Variants in HRG observed in about 807,000 individuals in gnomAD.
The protein encoded by HRG is histidine rich glycoprotein, also known as histidine-rich glycoprotein.
A neutral mutation model predicts 29.5 loss-of-function variants in HRG; 26 were observed. That is an observed-to-expected ratio of 0.88 (90% CI 0.65 to 1.22). The LOEUF is 1.22. Among genes scored for constraint, HRG ranks in the 50% most tolerant of loss-of-function variants. The pLI, the probability that HRG is intolerant of heterozygous loss-of-function variation, is 0.00. For missense variants in HRG, 671 were observed against 654.5 expected (o/e 1.03, Z -0.28); for synonymous variants, 243 against 240.4 (o/e 1.01, Z -0.10).
intron 3 of HRG, 51 bp downstream of exon 3, chr3:186,670,079 A>G (rs1300646512): frequency 3.3e-6 from 3 of 918,698 alleles, no homozygotes; most frequent in Non-Finnish European, 3.7e-6. Context: ...TACAAATTCA[A>G]TCATACAGTG....
At position 186,672,852 on chromosome 3, in the gene HRG, C is replaced by T; in HGVS notation, c.624C>T (p.Phe208=). ...FSVRNCPRHH[F]PRHPNVFGFC... ...TGCGGAACTGCCCCAGACACCATTTCCCCAGACACCCCAATGTGAGTATAA... is the reference window on the plus strand; with the variant it reads ...TGCGGAACTGCCCCAGACACCATTTTCCCAGACACCCCAATGTGAGTATAA... The change falls in exon 5 of 7, where the codon TTC becomes TTT. Residue 208 remains phenylalanine (F), a synonymous_variant. Coordinates refer to ENST00000232003, the MANE Select transcript of HRG (RefSeq NM_000412.5). 1 of 1,605,442 alleles carries T rather than the reference C, an allele frequency of 6.2e-7. No homozygotes were observed. The highest frequency in any genetic ancestry group is 2.2e-5 in the East Asian group (1 of 44,832).
Position 186,675,095 on chromosome 3 carries a change from G to A in HRG, c.646G>A (p.Gly216Arg). The A allele has an allele frequency of 6.2e-7, 1 of 1,611,528 alleles. No individual in the cohort carries two copies. Among genetic ancestry groups the A allele is most frequent in the Non-Finnish European group, 8.5e-7 (1 of 1,177,652 alleles). Residue 216 changes from glycine to arginine, a missense_variant, in exon 6 of 7, where the codon GGA (glycine) becomes AGA (arginine). Gly to Arg is a moderately radical substitution (Grantham distance 125). Coordinates refer to ENST00000232003, the MANE Select transcript of HRG (RefSeq NM_000412.5). ...GCTCCTCATTCCTTTGTAGGTCTTT[G>A]GATTCTGCAGAGCAGATTTGTTCTA... ...HHFPRHPNVF[G>R]FCRADLFYDV... is the part of the protein sequence containing the mutation.
chr3:186,672,733 T>TTTTTCC, intron 4 of HRG, 54 bp from the exon 5 acceptor site: 1 of 1,201,960 alleles, frequency 8.3e-7, no homozygotes, highest in Non-Finnish European at 1.2e-6. Flanking sequence ...CTACTGCTTT[T>TTTTTCC]TTTTCCTTTT....
In HRG at chr3:186,666,106, T is replaced by G; in HGVS notation, c.75T>G (p.Ser25Arg). ...YSCAVSPTDC[S>R]AVEPEAEKAL... ...GTGCCGTGAGTCCCACTGACTGCAG[T>G]GCTGTTGAGCCGGAGGCTGAGAAAG... Residue 25 changes from serine to arginine, a missense_variant, in exon 1 of 7, where the codon AGT becomes AGG. Ser to Arg is a moderately radical substitution (Grantham distance 110, BLOSUM62 -1). Transcript: ENST00000232003. The G allele has an allele frequency of 6.2e-7, 1 of 1,614,212 alleles. No individual in the cohort carries two copies. The highest frequency in any genetic ancestry group is 2.2e-5 in the East Asian group (1 of 44,888).
chr3:186,666,277 A>G, intron 1 of HRG, 63 bp downstream of exon 1: 2 of 1,528,142 alleles, frequency 1.3e-6, no homozygotes, highest in South Asian at 2.2e-5. Context: ...ATGTGACTCT[A>G]CCCCCTAGGC....
chr3:186,666,695 A>C (rs1718620575), intron 1 of HRG, among the ~76,000 whole-genome samples: 1 of 152,002 alleles, frequency 6.6e-6, no homozygotes, highest in African/African-American at 2.4e-5. Context: ...CGGACGGATC[A>C]TGAGGTCAGG....
intron 3 of HRG, among the ~76,000 whole-genome samples, chr3:186,670,792 C>T (rs1718762091): frequency 6.6e-6 from 1 of 152,088 alleles, no homozygotes; most frequent in African/African-American, 2.4e-5. Flanking sequence ...GGTGATCTGC[C>T]CACCTTGACC....
chr3:186,669,087 A>T (rs978244941), intron 2 of HRG, 36 bp downstream of exon 2: 2 of 1,126,194 alleles, frequency 1.8e-6, no homozygotes, highest in Non-Finnish European at 1.4e-6. Context: ...TGCTCTTTTC[A>T]TTCTTATTTT....
At chr3:186,669,595 C>A in intron 2 of HRG, 1 of 383,114 alleles carries the variant, frequency 2.6e-6, no homozygotes, top group Non-Finnish European at 4.9e-6. Context: ...AGGTGGAGAA[C>A]ATGAAGATGA....
Position 186,672,872 on chromosome 3 carries a change from G to T in HRG, c.639+5G>T. On this transcript the variant is annotated splice_donor_5th_base_variant and intron_variant, in intron 5 of 6. Coordinates refer to ENST00000232003, the MANE Select transcript of HRG (RefSeq NM_000412.5). ...CATTTCCCCAGACACCCCAATGTGAGTATAAGAAATGTCTGTGATCGTTGA... is the reference window on the plus strand; with the variant it reads ...CATTTCCCCAGACACCCCAATGTGATTATAAGAAATGTCTGTGATCGTTGA... 1 of 1,582,428 alleles carries T rather than the reference G, an allele frequency of 6.3e-7. No homozygotes were observed. The highest frequency in any genetic ancestry group is 1.4e-5 in the African/African-American group (1 of 74,058).
intron 5 of HRG, 28 bp from the exon 6 acceptor site, chr3:186,675,061 A>G (rs773015594): frequency 6.8e-7 from 1 of 1,467,724 alleles, no homozygotes; most frequent in African/African-American, 1.4e-5. Flanking sequence ...CTGGACACAC[A>G]CACTAACAGC....
chr3:186,676,218 A>G (rs1369224431), intron 6 of HRG, among the ~76,000 whole-genome samples: 1 of 152,072 alleles, frequency 6.6e-6, no homozygotes, highest in Non-Finnish European at 1.5e-5. Context: ...AAGAGAGAGA[A>G]GAGGTCAAGT....
At chr3:186,670,951 C>T (rs1718766867) in intron 3 of HRG, among the ~76,000 whole-genome samples, 1 of 152,060 alleles carries the variant, frequency 6.6e-6, no homozygotes, top group Non-Finnish European at 1.5e-5. Flanking sequence ...AAGATACTGC[C>T]ACAGGAGTTT....
At position 186,677,499 on chromosome 3, in the gene HRG, A is replaced by G. The variant is rs748551861; in HGVS notation, c.1194A>G (p.Gly398=). 3 of 1,599,814 alleles carry G rather than the reference A, an allele frequency of 1.9e-6. No individual in the cohort carries two copies. Among genetic ancestry groups the G allele is most frequent in the Non-Finnish European group, 2.6e-6 (3 of 1,172,078 alleles). ...ATCCTCATGGACACCACCCCCATGG[A>G]CACCATCCCCATGGACACCATCCCC... ...GHHPHGHHPH[G]HHPHGHHPHC... is the part of the protein sequence containing the mutation. Residue 398 remains glycine, a synonymous_variant, in exon 7 of 7, where the codon GGA becomes GGG. Coordinates refer to ENST00000232003, the MANE Select transcript of HRG (RefSeq NM_000412.5).
intron 5 of HRG, chr3:186,673,360 G>C (rs1718868711): frequency 4.7e-6 from 1 of 211,480 alleles, no homozygotes; most frequent in Non-Finnish European, 9.6e-6. Flanking sequence ...ACTTCGGCTG[G>C]GATTACAAAT....
chr3:186,673,919 G>A (rs1034877171), intron 5 of HRG: 3 of 152,164 alleles, frequency 2.0e-5, no homozygotes, highest in African/African-American at 7.2e-5. Flanking sequence ...AGAGCCTCAT[G>A]AAAATCCTGC....
At chr3:186,671,226 A>G (rs1476299454) in intron 3 of HRG, among the ~76,000 whole-genome samples, 3 of 27,300 alleles carry the variant, frequency 1.1e-4, no homozygotes, top group East Asian at 2.3e-3. Flanking sequence ...TATCATATTA[A>G]TACCTAAATA....
chr3:186,671,921 T>C, intron 4 of HRG, 132 bp downstream of exon 4: 1 of 795,814 alleles, frequency 1.3e-6, no homozygotes. Context: ...TTTGAGGCCA[T>C]AAAAGACAGG....
chr3:186,675,669 A>G (rs1364007363), intron 6 of HRG, among the ~76,000 whole-genome samples: 2 of 152,170 alleles, frequency 1.3e-5, no homozygotes, highest in Non-Finnish European at 2.9e-5. Flanking sequence ...GTAAATGTAT[A>G]TAAAATAAGA....
Sources: allele counts gnomAD v4.1 joint callset (sites outside exome capture counted in the v4.1 genomes callset), GRCh38; gene constraint gnomAD v4.1.1; transcripts MANE v1.5; gene names NCBI Gene and HGNC (gene_info 2026-07-23, HGNC 2026-07-21).